ATP2C1: variants seen among roughly 807,000 people sequenced by gnomAD.
ATP2C1 encodes the protein ATPase secretory pathway Ca2+ transporting 1.
Under a neutral mutation model 120.5 loss-of-function variants are expected in ATP2C1, and 31 were observed. That is an observed-to-expected ratio of 0.26 (90% CI 0.19 to 0.35). The LOEUF (loss-of-function observed/expected upper bound fraction) is 0.35, where lower values mean the gene tolerates loss of function less well. Among genes scored for constraint, ATP2C1 ranks in the 10% least tolerant of loss-of-function variants. The probability of loss-of-function intolerance (pLI) is 1.00; values close to 1 mark genes in which losing one functional copy is unlikely to be tolerated. For synonymous variants in ATP2C1, 351 were observed against 358.7 expected (o/e 0.98, Z 0.24); for missense variants, 731 against 1,107.5 (o/e 0.66, Z 4.83).
At chr3:130,991,356 C>T (rs910811454) in intron 20 of ATP2C1, among the ~76,000 whole-genome samples, 1 of 152,000 alleles carries the variant, frequency 6.6e-6, no homozygotes, top group Non-Finnish European at 1.5e-5. Context: ...CTTTGAAAGT[C>T]ATGAATCGTG....
intron 22 of ATP2C1, 95 bp from the exon 23 acceptor site, chr3:130,995,948 A>T (rs2062602544): frequency 2.2e-6 from 2 of 916,990 alleles, no homozygotes; most frequent in Non-Finnish European, 3.5e-6. Flanking sequence ...CCCGGTTGGA[A>T]ATTTATTTTC....
chr3:131,010,074 A>T (rs919917252), intron 26 of ATP2C1, among the ~76,000 whole-genome samples: 1 of 152,166 alleles, frequency 6.6e-6, no homozygotes, highest in African/African-American at 2.4e-5. Flanking sequence ...CTAGGGGGAA[A>T]ACTGGGTTTG....
chr3:130,905,776 G>A (rs1387366912), intron 2 of ATP2C1, among the ~76,000 whole-genome samples: 1 of 152,020 alleles, frequency 6.6e-6, no homozygotes, highest in Admixed American at 6.6e-5. Context: ...TTAAGGTTGG[G>A]TACAGCTGTA....
intron 26 of ATP2C1, among the ~76,000 whole-genome samples, chr3:130,999,183 G>C (rs1372531979): frequency 1.3e-5 from 2 of 152,128 alleles, no homozygotes; most frequent in African/African-American, 4.8e-5. Context: ...ATCTACCTTA[G>C]TGAATGTATA....
intron 2 of ATP2C1, among the ~76,000 whole-genome samples, chr3:130,919,930 A>G (rs1319724020): frequency 6.6e-6 from 1 of 152,034 alleles, no homozygotes; most frequent in Admixed American, 6.5e-5. Context: ...TTTGATTTTC[A>G]TTTCCCTAAT....
At position 130,906,230 on chromosome 3, in the gene ATP2C1, C is replaced by A. The variant is rs143119439; in HGVS notation, c.6+11455C>A. Among the ~76,000 whole-genome samples the A allele has an allele frequency of 4.6e-3, 698 of 152,180 alleles. 4 individuals are homozygous for A. The highest frequency in any genetic ancestry group is 0.015 in the African/African-American group (636 of 41,530). ...GAAACCCCTTACCCATTAGCAGTCA[C>A]TTCCCATTCTCCCCTTTCGCTAGCC... On this transcript the variant is annotated intron_variant, in intron 2 of 27. Transcript: ENST00000510168.
intron 1 of ATP2C1, among the ~76,000 whole-genome samples, chr3:130,877,674 T>G (rs1437311098): frequency 6.6e-6 from 1 of 151,980 alleles, no homozygotes; most frequent in Non-Finnish European, 1.5e-5. Flanking sequence ...ACAGGAACAC[T>G]TTTACACTGT....
At chr3:130,852,600 A>G (rs1278859778) in intron 1 of ATP2C1, among the ~76,000 whole-genome samples, 1 of 152,204 alleles carries the variant, frequency 6.6e-6, no homozygotes, top group African/African-American at 2.4e-5. Flanking sequence ...TGAATAATTA[A>G]GAGAAATAAT....
At chr3:130,932,237 G>T (rs1472763901) in intron 4 of ATP2C1, 99 bp downstream of exon 4, 5 of 815,092 alleles carry the variant, frequency 6.1e-6, no homozygotes, top group Non-Finnish European at 1.0e-5. Flanking sequence ...ATGGAGAAAG[G>T]AAATAATTTT....
chr3:130,948,733 C>T (rs1004187753), intron 8 of ATP2C1, among the ~76,000 whole-genome samples: 1 of 152,128 alleles, frequency 6.6e-6, no homozygotes, highest in Non-Finnish European at 1.5e-5. Flanking sequence ...TTTGTGGCAA[C>T]CCTGTGTCAG....
intron 1 of ATP2C1, among the ~76,000 whole-genome samples, chr3:130,887,543 A>G (rs957600155): frequency 1.3e-5 from 2 of 152,154 alleles, no homozygotes; most frequent in Non-Finnish European, 2.9e-5. Flanking sequence ...TTAAACCACA[A>G]TACAAAGTCC....
chr3:130,869,249 C>G lies in ATP2C1; in HGVS notation c.108+18321C>G, dbSNP rs1391856530. ...GCAGCATGCTCGTTAAGAGTCATCA[C>G]CACTCCCTAATCTTAAGTACCCAGG... On this transcript the variant is annotated intron_variant, in intron 1 of 26. Transcript: ENST00000504381. The G allele has an allele frequency of 8.6e-3, 1,245 of 145,564 alleles. 14 individuals carry two copies. The highest frequency in any genetic ancestry group is 0.03 in the African/African-American group (1,105 of 36,980). 9.0% of individuals were successfully genotyped at this position (145,564 alleles called of 1,614,324 possible).
At chr3:130,979,540 C>A in intron 19 of ATP2C1, 121 bp downstream of exon 19, 4 of 1,119,958 alleles carry the variant, frequency 3.6e-6, no homozygotes, top group Non-Finnish European at 3.9e-6. Context: ...CAATTGAAAT[C>A]GACTCATGGT....
At position 130,959,210 on chromosome 3, in the gene ATP2C1, C is replaced by T. The variant is rs534957891; in HGVS notation, c.833-65C>T. Reference sequence around the variant, plus strand: ...CAAGGGACGTTTTAGATTCCTTCAGCTTGTTCTGTTCCTTCTAGGTGATTG... The same window carrying T: ...CAAGGGACGTTTTAGATTCCTTCAGTTTGTTCTGTTCCTTCTAGGTGATTG... On this transcript the variant is annotated intron_variant, in intron 11 of 27. Coordinates refer to ENST00000510168, the MANE Select transcript of ATP2C1 (RefSeq NM_001378687.1). The T allele has an allele frequency of 6.5e-6, 8 of 1,224,302 alleles. No individual in the cohort carries two copies. In the East Asian group the frequency reaches 1.9e-4, roughly 29 times the overall value. 75.8% of individuals were successfully genotyped at this position (1,224,302 alleles called of 1,614,324 possible). A position where few individuals can be genotyped will look rare whatever the true frequency, so the allele number is the denominator to read the frequency against.
intron 27 of ATP2C1, among the ~76,000 whole-genome samples, chr3:131,000,626 G>T (rs939068940): frequency 3.9e-5 from 6 of 152,178 alleles, no homozygotes; most frequent in Non-Finnish European, 8.8e-5. Flanking sequence ...TGGTGATACT[G>T]TTAAAGGCTA....
intron 2 of ATP2C1, among the ~76,000 whole-genome samples, chr3:130,920,438 T>G (rs1325443949): frequency 6.6e-6 from 1 of 152,222 alleles, no homozygotes; most frequent in Non-Finnish European, 1.5e-5. Flanking sequence ...ATTCCTTTCC[T>G]CATTGTATAT....
Position 130,999,613 on chromosome 3 carries a change from T to C in ATP2C1, c.2583T>C (p.Phe861=), listed in dbSNP as rs752531690. 40 of 1,613,506 alleles carry C rather than the reference T, an allele frequency of 2.5e-5. No individual in the cohort carries two copies. Among genetic ancestry groups the C allele is most frequent in the Non-Finnish European group, 3.2e-5 (38 of 1,179,684 alleles). ...TGGGACAATTACTAGTTATTTACTT[T>C]CCTCCGCTTCAGAAGGTTTTTCAGA... The part of the protein sequence containing the change: ...SIMGQLLVIY[F]PPLQKVFQTE... The change falls in exon 27 of 28, where the codon TTT becomes TTC. Residue 861 remains phenylalanine, a synonymous_variant. Transcript: ENST00000510168.
chr3:130,878,366 TC>T (rs1315764546), intron 1 of ATP2C1, among the ~76,000 whole-genome samples: 1 of 152,242 alleles, frequency 6.6e-6, no homozygotes, highest in East Asian at 1.9e-4. Context: ...TTAATTGTTT[TC>T]GGAATGTTTT....
rs1005764382 is a variant in ATP2C1 at position 130,942,518 on chromosome 3, T to C, written c.531+819T>C. On this transcript the variant is annotated intron_variant, in intron 8 of 27. Coordinates refer to ENST00000510168, the MANE Select transcript of ATP2C1 (RefSeq NM_001378687.1). ...GTTAACACCTGCAGAGCAGTCAGTC[T>C]TTAAATACTATGGCCAAAAGTATGA... 2.0e-5 allele frequency among the ~76,000 whole-genome samples: 3 copies of C among 152,224 alleles called. No individual in the cohort carries two copies. In the East Asian group the frequency reaches 5.8e-4, roughly 29 times the overall value.
Sources: gnomAD v4.1 joint callset for allele counts (sites outside exome capture counted in the v4.1 genomes callset) on GRCh38, gnomAD v4.1.1 for gene constraint, MANE v1.5 for transcripts, NCBI Gene and HGNC (gene_info 2026-07-23, HGNC 2026-07-21) for gene names.